SESN1: variants seen among roughly 807,000 people sequenced by gnomAD.
SESN1 encodes sestrin 1, also known as sestrin-1.
In SESN1, 30 loss-of-function variants were observed where a neutral mutation model predicts 59.3. That is an observed-to-expected ratio of 0.51 (90% CI 0.38 to 0.69). The LOEUF (loss-of-function observed/expected upper bound fraction) is 0.69, where lower values mean the gene tolerates loss of function less well. Ranked by LOEUF, SESN1 falls within the 30% of genes least tolerant of loss-of-function variation. The pLI, the probability that SESN1 is intolerant of heterozygous loss-of-function variation, is 0.00. For missense variants in SESN1, 566 were observed against 673.0 expected, an observed-to-expected ratio of 0.84 and a Z score of 1.76; for synonymous variants, 197 against 219.9, an observed-to-expected ratio of 0.90 and a Z score of 0.92.
intron 1 of SESN1, among the ~76,000 whole-genome samples, chr6:109,030,499 T>C (rs963055131): frequency 6.6e-6 from 1 of 152,210 alleles, no homozygotes; most frequent in Non-Finnish European, 1.5e-5. Context: ...TCTCAAAATA[T>C]TCTATTCTTA....
At chr6:109,048,043 A>G (rs12213274) in intron 1 of SESN1, among the ~76,000 whole-genome samples, 12,081 of 146,420 alleles carry the variant, frequency 0.083, 565 homozygotes, top group Middle Eastern at 0.17. Context: ...CTATTGTCCC[A>G]TGACCCTGCC....
In SESN1 at chr6:108,984,341, A is replaced by T. The variant is rs941732952; in HGVS notation, c.*3203T>A. On this transcript the variant is annotated 3_prime_UTR_variant, in exon 10 of 10. Transcript: ENST00000436639. Reference sequence around the variant, plus strand: ...TAGATAACAGAAATTTATTGCTCACAGTTTTGGAGGCTGGGAAGTCCGATA... The same window carrying T: ...TAGATAACAGAAATTTATTGCTCACTGTTTTGGAGGCTGGGAAGTCCGATA... Among the ~76,000 whole-genome samples, 5 of 152,038 alleles carry T rather than the reference A, an allele frequency of 3.3e-5. No individual in the cohort carries two copies. Among genetic ancestry groups the T allele is most frequent in the Non-Finnish European group, 5.9e-5 (4 of 68,030 alleles).
chr6:109,033,414 T>A (rs1309802001), intron 1 of SESN1, among the ~76,000 whole-genome samples: 2 of 152,224 alleles, frequency 1.3e-5, no homozygotes, highest in East Asian at 3.8e-4. Flanking sequence ...AAAGGTGGCA[T>A]TGTCAGAGGT....
intron 1 of SESN1, among the ~76,000 whole-genome samples, chr6:109,040,735 C>T (rs1296361585): frequency 6.6e-6 from 1 of 151,460 alleles, no homozygotes; most frequent in Non-Finnish European, 1.5e-5. Flanking sequence ...TCACTGCAAG[C>T]TCTGCCTCCT....
At chr6:109,009,246 G>T in intron 1 of SESN1, 1 of 1,031,050 alleles carries the variant, frequency 9.7e-7, no homozygotes, top group Non-Finnish European at 1.3e-6. Context: ...TTCGGATGCT[G>T]ACCGGGAGCG....
chr6:109,042,660 A>G (rs1222899767), intron 1 of SESN1, among the ~76,000 whole-genome samples: 2 of 151,988 alleles, frequency 1.3e-5, no homozygotes, highest in South Asian at 2.1e-4. Flanking sequence ...CTCACCTACT[A>G]TGAAATAGAT....
rs193228780 is a variant in SESN1, at chr6:109,046,955, G to A, written c.280-44612C>T. On this transcript the variant is annotated intron_variant, in intron 1 of 9. Transcript: ENST00000436639. ...CCACCCCATCTGGGAAGTGAGGAGC[G>A]TCTCCACCCGGCAGCCACCCCGTCC... is the stretch of plus-strand genomic sequence containing the variant. Among the ~76,000 whole-genome samples the A allele has an allele frequency of 8.9e-5, 10 of 112,632 alleles. 1 individual carries two copies. The highest frequency in any genetic ancestry group is 2.0e-4 in the African/African-American group (6 of 30,198). The allele number at this position is 112,632 out of a possible 152,430, so 73.9% of individuals were successfully genotyped here.
chr6:109,046,882 T>C (rs1306705589), intron 1 of SESN1, among the ~76,000 whole-genome samples: 167 of 108,308 alleles, frequency 1.5e-3, no homozygotes, highest in Middle Eastern at 6.8e-3. Context: ...AGCCCCTCCG[T>C]CCGGCAGCTG....
chr6:109,010,404 T>A (rs1029529839), intron 1 of SESN1, among the ~76,000 whole-genome samples: 1 of 152,230 alleles, frequency 6.6e-6, no homozygotes, highest in African/African-American at 2.4e-5. Flanking sequence ...TCTTTTTGCA[T>A]GTTTATGCTG....
intron 5 of SESN1, among the ~76,000 whole-genome samples, chr6:108,995,435 G>T (rs916943349): frequency 6.6e-6 from 1 of 152,154 alleles, no homozygotes; most frequent in African/African-American, 2.4e-5. Flanking sequence ...TCTGCAAATG[G>T]ATCTGGCAGC....
rs144194914 is a variant in SESN1 at position 109,000,512 on chromosome 6, A to C, written c.708T>G (p.Leu236=). Residue 236 remains leucine, a synonymous_variant, in exon 4 of 10, where the codon CTT becomes CTG. Coordinates refer to ENST00000436639, the MANE Select transcript of SESN1 (RefSeq NM_014454.3). ...TTACCTCAATGTGTTCTTTGGTAAT[A>C]AGCCAAGGTCTATGGGCTAACACTT... ...LNKVLAHRPW[L]ITKEHIEGLL... 1 of 1,595,420 alleles carries C rather than the reference A, an allele frequency of 6.3e-7. No individual in the cohort carries two copies. The highest frequency in any genetic ancestry group is 1.3e-5 in the African/African-American group (1 of 74,312).
chr6:109,073,919 G>A (rs948558390), intron 1 of SESN1, among the ~76,000 whole-genome samples: 4 of 152,124 alleles, frequency 2.6e-5, no homozygotes, highest in Admixed American at 6.5e-5. Flanking sequence ...ATTAAGAAAA[G>A]CATAAACCAC....
At chr6:109,000,752 G>C in intron 3 of SESN1, 79 bp from the exon 4 acceptor site, 1 of 1,158,528 alleles carries the variant, frequency 8.6e-7, no homozygotes, top group Non-Finnish European at 1.1e-6. Context: ...ACATGCAAAA[G>C]AGCTAATTAA....
chr6:108,989,004 AG>A lies in SESN1; in HGVS notation c.1425-318del, dbSNP rs1779282694. On this transcript the variant is annotated intron_variant, in intron 8 of 9. Transcript: ENST00000436639. ...CAATCATGAACACGTAGCCACACTG[AG>A]GAACAAACTATTATTGAGACGGAGT... 2.0e-5 allele frequency among the ~76,000 whole-genome samples: 3 copies of A among 152,162 alleles called. No individual in the cohort carries two copies. In the South Asian group the frequency reaches 6.2e-4, roughly 32 times the overall value.
At chr6:109,016,998 T>C (rs969484871) in intron 1 of SESN1, among the ~76,000 whole-genome samples, 1 of 152,190 alleles carries the variant, frequency 6.6e-6, no homozygotes, top group East Asian at 1.9e-4. Context: ...TAAGTTTACA[T>C]TGGTAAAATA....
chr6:109,016,209 T>A (rs1225376460), intron 1 of SESN1, among the ~76,000 whole-genome samples: 2 of 152,206 alleles, frequency 1.3e-5, no homozygotes, highest in East Asian at 1.9e-4. Context: ...GTAATTTTTA[T>A]TCAAAGAAAC....
chr6:108,987,083 T>C lies in SESN1; in HGVS notation c.*461A>G, dbSNP rs1359165628. 1 of 153,512 alleles carries C rather than the reference T, an allele frequency of 6.5e-6. No individual in the cohort carries two copies. Among genetic ancestry groups the C allele is most frequent in the Non-Finnish European group, 1.5e-5 (1 of 68,652 alleles). 9.5% of individuals were successfully genotyped at this position (153,512 alleles called of 1,614,324 possible). On this transcript the variant is annotated 3_prime_UTR_variant, in exon 10 of 10. Coordinates refer to ENST00000436639, the MANE Select transcript of SESN1 (RefSeq NM_014454.3). ...CTCAGATAGTAGCAATGTTCACTTT[T>C]ATTACTAATAGCTTAACTGAAACAG...
chr6:109,074,334 AAT>A (rs970264450), intron 1 of SESN1, among the ~76,000 whole-genome samples: 11 of 152,336 alleles, frequency 7.2e-5, no homozygotes, highest in Admixed American at 2.6e-4. Context: ...ATACATTAAA[AAT>A]AGTTTAATTT....
At chr6:109,012,340 CAAG>C (rs1292331734) in intron 1 of SESN1, among the ~76,000 whole-genome samples, 1 of 151,896 alleles carries the variant, frequency 6.6e-6, no homozygotes, top group Non-Finnish European at 1.5e-5. Context: ...ACATTTAATC[CAAG>C]AAGTAATAGT....
Sources: allele counts gnomAD v4.1 joint callset (sites outside exome capture counted in the v4.1 genomes callset), GRCh38; gene constraint gnomAD v4.1.1; transcripts MANE v1.5; gene names NCBI Gene and HGNC (gene_info 2026-07-23, HGNC 2026-07-21).